RSRC2: variants seen among roughly 807,000 people sequenced by gnomAD.
RSRC2 encodes arginine and serine rich coiled-coil 2, also known as arginine/serine-rich coiled-coil protein 2.
RSRC2 carries 5 observed loss-of-function variants against 61.3 expected under a neutral mutation model. The observed-to-expected ratio is 0.08, with a 90% CI of 0.04 to 0.17. RSRC2 has a LOEUF of 0.17. Ranked by LOEUF, RSRC2 falls within the 10% of genes least tolerant of loss-of-function variation. The pLI, the probability that RSRC2 is intolerant of heterozygous loss-of-function variation, is 1.00. For synonymous variants in RSRC2, 202 were observed against 166.5 expected, an observed-to-expected ratio of 1.21 and a Z score of -1.64; for missense variants, 381 against 518.8, an observed-to-expected ratio of 0.73 and a Z score of 2.58.
intron 9 of RSRC2, 42 bp from the exon 10 acceptor site, chr12:122,505,748 G>C: frequency 1.3e-6 from 2 of 1,508,112 alleles, no homozygotes; most frequent in Non-Finnish European, 1.8e-6. Context: ...TTCAGATGGA[G>C]ATAAATATTC....
In RSRC2 at chr12:122,504,842, T is replaced by C. The variant is rs1958023093; in HGVS notation, c.*685A>G. 1.3e-5 allele frequency: 2 copies of C among 152,608 alleles called. No individual in the cohort carries two copies. Among genetic ancestry groups the C allele is most frequent in the Admixed American group, 1.3e-4 (2 of 15,262 alleles). The allele number at this position is 152,608 out of a possible 1,614,324, so 9.5% of individuals were successfully genotyped here. A position where few individuals can be genotyped will look rare whatever the true frequency, so the allele number is the denominator to read the frequency against. On this transcript the variant is annotated 3_prime_UTR_variant, in exon 10 of 10. Coordinates refer to ENST00000331738, the MANE Select transcript of RSRC2 (RefSeq NM_023012.6). ...TACTGAATACCAAGTCTGTCCCTTATAATAGGAAAACATACTATTTTAGTA... is the reference window on the plus strand; with the variant it reads ...TACTGAATACCAAGTCTGTCCCTTACAATAGGAAAACATACTATTTTAGTA...
At chr12:122,513,975 T>C (rs1958715742) in intron 6 of RSRC2, 1 of 171,738 alleles carries the variant, frequency 5.8e-6, no homozygotes, top group South Asian at 1.9e-4. Flanking sequence ...AAGTATGCAG[T>C]GAGCCGTCAT....
intron 6 of RSRC2, 52 bp from the exon 7 acceptor site, chr12:122,511,240 G>A (rs757615438): frequency 7.4e-7 from 1 of 1,353,386 alleles, no homozygotes; most frequent in Non-Finnish European, 1.0e-6. Flanking sequence ...AAACCATTAT[G>A]TATATATCTC....
At chr12:122,509,449 CA>C (rs904942140) in intron 7 of RSRC2, among the ~76,000 whole-genome samples, 29 of 123,046 alleles carry the variant, frequency 2.4e-4, no homozygotes, top group Middle Eastern at 8.8e-3. Context: ...GCCTCCGTCT[CA>C]AAAAAAAAAA....
intron 6 of RSRC2, 122 bp from the exon 7 acceptor site, chr12:122,511,310 C>A: frequency 1.6e-6 from 1 of 609,008 alleles, no homozygotes; most frequent in Non-Finnish European, 2.8e-6. Context: ...TTTTAGCATC[C>A]CTCCACCGAT....
Position 122,526,874 on chromosome 12 carries a change from A to G in RSRC2, c.-21T>C, listed in dbSNP as rs1479390841. The stretch of plus-strand genomic sequence containing the variant: ...GCCATAGTTCAGAGTCCCGGCCGCT[A>G]GAGCGGCGCCTCCACTTGTCGCTTT... On this transcript the variant is annotated 5_prime_UTR_variant, in exon 1 of 10. Transcript: ENST00000331738. 6.2e-7 allele frequency: 1 copy of G among 1,614,098 alleles called. No homozygotes were observed. The highest frequency in any genetic ancestry group is 1.1e-5 in the South Asian group (1 of 91,088).
rs1301079042 is a variant in RSRC2, at chr12:122,503,586, TAGA to T, written c.*1938_*1940del. On this transcript the variant is annotated 3_prime_UTR_variant, in exon 10 of 10. Coordinates refer to ENST00000331738, the MANE Select transcript of RSRC2 (RefSeq NM_023012.6). ...GGAAGCTTTTGCGTCCACACTGCCT[TAGA>T]AGGTCATGAACATTTTTAATAAGAT... The T allele has an allele frequency of 6.6e-6, 1 of 152,230 alleles. No individual in the cohort carries two copies. The highest frequency in any genetic ancestry group is 1.5e-5 in the Non-Finnish European group (1 of 68,044). 9.4% of individuals were successfully genotyped at this position (152,230 alleles called of 1,614,324 possible).
rs188539612 is a variant in RSRC2, at chr12:122,508,657, G to A, written c.806-210C>T. On this transcript the variant is annotated intron_variant, in intron 7 of 9. Coordinates refer to ENST00000331738, the MANE Select transcript of RSRC2 (RefSeq NM_023012.6). ...CGGACATATTTCTACATAAACCCTT[G>A]ATATATAAACCATTTATTGCAAGGC... Among the ~76,000 whole-genome samples the A allele has an allele frequency of 1.2e-4, 19 of 152,230 alleles. 1 individual carries two copies. The highest frequency in any genetic ancestry group is 1.2e-3 in the Admixed American group (19 of 15,280).
Position 122,522,066 on chromosome 12 carries a change from T to C in RSRC2, c.163+77A>G, listed in dbSNP as rs965548566. ...CCATGCCCAGCCAACAAACTAAATG[T>C]ATGTGTCTTCTTATACAACAGGTCT... On this transcript the variant is annotated intron_variant, in intron 2 of 9. Coordinates refer to ENST00000331738, the MANE Select transcript of RSRC2 (RefSeq NM_023012.6). The C allele has an allele frequency of 9.2e-6, 13 of 1,413,310 alleles. No homozygotes were observed. The Admixed American group carries it at 2.8e-4, about 30-fold the overall frequency. 87.5% of individuals were successfully genotyped at this position (1,413,310 alleles called of 1,614,324 possible).
chr12:122,519,191 G>A, intron 3 of RSRC2, 162 bp from the exon 4 acceptor site: 1 of 573,418 alleles, frequency 1.7e-6, no homozygotes, highest in Non-Finnish European at 3.0e-6. Flanking sequence ...TGTTGCAGAT[G>A]TAATTACTAT....
At chr12:122,506,023 C>A (rs1352125408) in intron 9 of RSRC2, among the ~76,000 whole-genome samples, 1 of 152,090 alleles carries the variant, frequency 6.6e-6, no homozygotes, top group Non-Finnish European at 1.5e-5. Flanking sequence ...AGGGATCCCC[C>A]CTGCCGCCTG....
At chr12:122,513,985 T>C (rs1400530566) in intron 6 of RSRC2, 1 of 161,540 alleles carries the variant, frequency 6.2e-6, no homozygotes, top group Admixed American at 6.5e-5. Flanking sequence ...TGAGCCGTCA[T>C]CATGTGCCAC....
chr12:122,521,497 T>G, intron 2 of RSRC2, 69 bp from the exon 3 acceptor site: 1 of 1,377,284 alleles, frequency 7.3e-7, no homozygotes. Flanking sequence ...AAAAAACTCT[T>G]AATGCTGGAG....
At chr12:122,525,799 G>GGGTTT (rs1565911966) in intron 1 of RSRC2, among the ~76,000 whole-genome samples, 1 of 35,550 alleles carries the variant, frequency 2.8e-5, no homozygotes, top group South Asian at 1.3e-3. Flanking sequence ...GGTCAACGAA[G>GGGTTT]AGTTTTTTTT....
At position 122,517,419 on chromosome 12, in the gene RSRC2, C is replaced by T. The variant is rs368760023; in HGVS notation, c.410G>A (p.Ser137Asn). The T allele has an allele frequency of 1.2e-6, 2 of 1,613,992 alleles. No homozygotes were observed. Among genetic ancestry groups the T allele is most frequent in the African/African-American group, 2.7e-5 (2 of 74,886 alleles). The change falls in exon 5 of 10, where the codon AGT becomes AAT. Residue 137 changes from serine to asparagine, a missense_variant. Ser to Asn is a conservative substitution (Grantham distance 46, BLOSUM62 1). Coordinates refer to ENST00000331738, the MANE Select transcript of RSRC2 (RefSeq NM_023012.6). ...AGACTTCTTCCGCTCCCTGCTTCTA[C>T]TACGATGGCGTCTGAAATTAAAGTG... is the stretch of plus-strand genomic sequence containing the variant. ...RSRSRERRHR[S>N]RSRERKKSRS...
At chr12:122,520,755 C>A (rs770660066) in intron 3 of RSRC2, 11 of 363,948 alleles carry the variant, frequency 3.0e-5, no homozygotes, top group Non-Finnish European at 5.3e-5. Flanking sequence ...ACTCTTCTCC[C>A]TTTCTGGCTA....
rs193071905 is a variant in RSRC2, at chr12:122,520,430, A to C, written c.207+955T>G. The stretch of plus-strand genomic sequence containing the variant: ...CAAACATAACATTACTATTAATTTA[A>C]AAAAAACATTAAAACCCTTAACTGA... On this transcript the variant is annotated intron_variant, in intron 3 of 9. Coordinates refer to ENST00000331738, the MANE Select transcript of RSRC2 (RefSeq NM_023012.6). 2.3e-3 allele frequency: 2,102 copies of C among 894,548 alleles called. 5 individuals are homozygous for C. Among genetic ancestry groups the C allele is most frequent in the Non-Finnish European group, 3.0e-3 (1,829 of 600,606 alleles). 55.4% of individuals were successfully genotyped at this position (894,548 alleles called of 1,614,324 possible).
At chr12:122,506,535 C>T in intron 9 of RSRC2, 1 of 247,858 alleles carries the variant, frequency 4.0e-6, no homozygotes, top group Non-Finnish European at 7.7e-6. Flanking sequence ...GCTTGAGCCT[C>T]GAAGTTTAAG....
chr12:122,513,708 T>C (rs529063832), intron 6 of RSRC2: 200 of 761,654 alleles, frequency 2.6e-4, no homozygotes, highest in South Asian at 1.3e-3. Flanking sequence ...AAAATGGCCA[T>C]TGAAGATTTG....
Sources: allele counts gnomAD v4.1 joint callset (sites outside exome capture counted in the v4.1 genomes callset), GRCh38; gene constraint gnomAD v4.1.1; transcripts MANE v1.5; gene names NCBI Gene and HGNC (gene_info 2026-07-23, HGNC 2026-07-21).